The following FHAD1 variants were observed in gnomAD, a reference collection of about 807,000 sequenced individuals.
FHAD1 encodes the protein forkhead-associated domain-containing protein 1.
Under a neutral mutation model 191.3 loss-of-function variants are expected in FHAD1, and 146 were observed. That is an observed-to-expected ratio of 0.76 (90% CI 0.67 to 0.88). FHAD1 has a LOEUF of 0.88. Ranked by LOEUF, FHAD1 falls within the 40% of genes least tolerant of loss-of-function variation. The pLI is 0.00. For synonymous variants in FHAD1, 616 were observed against 672.3 expected, an observed-to-expected ratio of 0.92 and a Z score of 1.29; for missense variants, 1,635 against 1,785.8, an observed-to-expected ratio of 0.92 and a Z score of 1.52.
At chr1:15,332,918 G>A (rs772937000) in intron 14 of FHAD1, among the ~76,000 whole-genome samples, 14 of 152,116 alleles carry the variant, frequency 9.2e-5, no homozygotes, top group Non-Finnish European at 2.1e-4. Context: ...TCAACAAGAA[G>A]GGGATAAAGA....
chr1:15,339,391 G>T, intron 14 of FHAD1, 90 bp from the exon 15 acceptor site: 1 of 518,736 alleles, frequency 1.9e-6, no homozygotes, highest in South Asian at 1.9e-5. Context: ...ACGTTGTTTT[G>T]ATGGGATGGC....
At chr1:15,250,702 A>C (rs911267410) in intron 1 of FHAD1, among the ~76,000 whole-genome samples, 5 of 152,220 alleles carry the variant, frequency 3.3e-5, no homozygotes, top group African/African-American at 1.2e-4. Context: ...AAAAGCAGAC[A>C]TGGTGGTGTG....
intron 18 of FHAD1, among the ~76,000 whole-genome samples, chr1:15,346,250 A>G (rs1012567473): frequency 6.6e-6 from 1 of 152,214 alleles, no homozygotes; most frequent in Non-Finnish European, 1.5e-5. Context: ...CTCAGCGACT[A>G]AAAAGGGCCT....
chr1:15,393,217 G>A (rs955934424), intron 33 of FHAD1: 1 of 152,138 alleles, frequency 6.6e-6, no homozygotes, highest in African/African-American at 2.4e-5. Flanking sequence ...TGGGACTACA[G>A]GTATGCACCA....
At chr1:15,297,547 G>A (rs1667354436) in intron 5 of FHAD1, among the ~76,000 whole-genome samples, 3 of 152,324 alleles carry the variant, frequency 2.0e-5, no homozygotes, top group East Asian at 1.9e-4. Context: ...GCAATGGTGA[G>A]TAAGGTGGGA....
At chr1:15,351,695 C>T (rs569892247) in intron 19 of FHAD1, among the ~76,000 whole-genome samples, 4 of 151,852 alleles carry the variant, frequency 2.6e-5, no homozygotes, top group East Asian at 1.9e-4. Context: ...GCCCTCACCA[C>T]GGGGCATGCA....
downstream of FHAD1, among the ~76,000 whole-genome samples, chr1:15,398,825 T>TC (rs895700830): frequency 6.8e-6 from 1 of 147,932 alleles, no homozygotes; most frequent in African/African-American, 2.5e-5. Flanking sequence ...CATGAATACT[T>TC]TTTTTTTTTT....
At chr1:15,333,718 C>T (rs71631721) in intron 14 of FHAD1, among the ~76,000 whole-genome samples, 5,885 of 152,016 alleles carry the variant, frequency 0.039, 225 homozygotes, top group African/African-American at 0.099. Flanking sequence ...TGTTTAGCTC[C>T]TCCTGGGGAT....
At chr1:15,292,760 C>T (rs1665309926) in intron 4 of FHAD1, among the ~76,000 whole-genome samples, 3 of 152,058 alleles carry the variant, frequency 2.0e-5, no homozygotes, top group African/African-American at 4.8e-5. Context: ...TCAGGAGAAG[C>T]CACCCGGCCA....
intron 20 of FHAD1, among the ~76,000 whole-genome samples, chr1:15,356,160 A>G (rs1375791903): frequency 1.3e-5 from 2 of 152,240 alleles, no homozygotes; most frequent in African/African-American, 4.8e-5. Context: ...TATTTACTAT[A>G]CGATGTGTCA....
intron 8 of FHAD1, among the ~76,000 whole-genome samples, chr1:15,314,055 C>T (rs1300825760): frequency 4.8e-5 from 7 of 144,522 alleles, no homozygotes; most frequent in African/African-American, 1.4e-4. Context: ...AGTGAAACTC[C>T]GTCTCAAATA....
intron 11 of FHAD1, chr1:15,326,540 G>A (rs1158219286): frequency 6.6e-6 from 1 of 152,258 alleles, no homozygotes; most frequent in Non-Finnish European, 1.5e-5. Context: ...TCTACACCAG[G>A]CACCGTAGTA....
chr1:15,270,256 T>A (rs1246188480), intron 2 of FHAD1, among the ~76,000 whole-genome samples: 1 of 152,168 alleles, frequency 6.6e-6, no homozygotes, highest in African/African-American at 2.4e-5. Context: ...GAAACTGCCT[T>A]GGCCGCAGTT....
chr1:15,382,183 G>T lies in FHAD1; in HGVS notation c.4178G>T (p.Arg1393Leu), dbSNP rs375422050. 1.3e-6 allele frequency: 2 copies of T among 1,551,116 alleles called. No homozygotes were observed. Among genetic ancestry groups the T allele is most frequent in the Non-Finnish European group, 1.7e-6 (2 of 1,146,952 alleles). ...GAGAAGAGGATCAACAGGGCCATCC[G>T]GCAGCAGAAGGTGAGGCGCTGCTGC... is the stretch of plus-strand genomic sequence containing the variant. ...CQEKRINRAI[R>L]QQKESVEEHE... The change falls in exon 31 of 34, where the codon CGG becomes CTG. Residue 1393 changes from arginine (R) to leucine (L), a missense_variant. Coordinates refer to ENST00000688493, the MANE Select transcript of FHAD1 (RefSeq NM_001391957.1).
chr1:15,250,543 T>C (rs1646648124), intron 1 of FHAD1, among the ~76,000 whole-genome samples: 1 of 152,258 alleles, frequency 6.6e-6, no homozygotes, highest in African/African-American at 2.4e-5. Flanking sequence ...TGCAGGGTCC[T>C]GATTACATGG....
intron 4 of FHAD1, among the ~76,000 whole-genome samples, chr1:15,294,058 G>C (rs895771094): frequency 6.6e-6 from 1 of 152,146 alleles, no homozygotes; most frequent in Admixed American, 6.5e-5. Context: ...TCCCTGATGC[G>C]GAGAGGGGCT....
chr1:15,331,416 G>GTGGA (rs1301514220), intron 14 of FHAD1, among the ~76,000 whole-genome samples: 1 of 150,866 alleles, frequency 6.6e-6, no homozygotes, highest in Non-Finnish European at 1.5e-5. Flanking sequence ...TGGTGGGTGG[G>GTGGA]TGGATGGATG....
At chr1:15,255,727 A>G (rs947937073) in intron 2 of FHAD1, among the ~76,000 whole-genome samples, 1 of 152,224 alleles carries the variant, frequency 6.6e-6, no homozygotes, top group Non-Finnish European at 1.5e-5. Context: ...GAAGGACTTA[A>G]CTAGACAAAG....
chr1:15,402,114 C>T (rs1348175949), downstream of FHAD1, among the ~76,000 whole-genome samples: 2 of 152,172 alleles, frequency 1.3e-5, no homozygotes, highest in Non-Finnish European at 2.9e-5. Context: ...GTCTTATCAT[C>T]AGAGAGTATG....
Sources: gnomAD v4.1 joint callset for allele counts (sites outside exome capture counted in the v4.1 genomes callset) on GRCh38, gnomAD v4.1.1 for gene constraint, MANE v1.5 for transcripts, NCBI Gene and HGNC (gene_info 2026-07-23, HGNC 2026-07-21) for gene names.